Variants in THSD7B observed in about 807,000 individuals in gnomAD.
THSD7B encodes the protein thrombospondin type 1 domain containing 7B.
A neutral mutation model predicts 213.6 loss-of-function variants in THSD7B; 138 were observed. The ratio of observed to expected loss-of-function variants is 0.65; its 90% CI spans 0.56 to 0.74. The LOEUF (loss-of-function observed/expected upper bound fraction) is 0.74. Among genes scored for constraint, THSD7B ranks in the 30% least tolerant of loss-of-function variants. The pLI, the probability that THSD7B is intolerant of heterozygous loss-of-function variation, is 0.00. For synonymous variants in THSD7B, 742 were observed against 687.0 expected (o/e 1.08, Z -1.25); for missense variants, 1,931 against 1,991.5 (o/e 0.97, Z 0.58).
At chr2:136,908,887 G>A (rs1684213217) in intron 2 of THSD7B, among the ~76,000 whole-genome samples, 1 of 151,992 alleles carries the variant, frequency 6.6e-6, no homozygotes, top group African/African-American at 2.4e-5. Flanking sequence ...AATTAAAAGT[G>A]GGCCTATCCT....
chr2:136,920,853 G>C (rs1276501577), intron 2 of THSD7B, among the ~76,000 whole-genome samples: 1 of 152,152 alleles, frequency 6.6e-6, no homozygotes, highest in East Asian at 1.9e-4. Flanking sequence ...TTATGCGTCA[G>C]TGCTGCCCTG....
intron 14 of THSD7B, among the ~76,000 whole-genome samples, chr2:137,420,204 A>G (rs1261928269): frequency 6.6e-6 from 1 of 152,096 alleles, no homozygotes; most frequent in Non-Finnish European, 1.5e-5. Flanking sequence ...CTGAAGCCTC[A>G]TATTTCATCC....
intron 2 of THSD7B, among the ~76,000 whole-genome samples, chr2:136,943,992 CT>C (rs1684880003): frequency 6.6e-6 from 1 of 152,176 alleles, no homozygotes; most frequent in African/African-American, 2.4e-5. Flanking sequence ...AATTTTAGAT[CT>C]TTCCTGCTTT....
At chr2:137,206,368 A>G (rs771586602) in intron 7 of THSD7B, among the ~76,000 whole-genome samples, 3 of 152,100 alleles carry the variant, frequency 2.0e-5, no homozygotes, top group African/African-American at 4.8e-5. Flanking sequence ...ATGATTAATG[A>G]GGAAGAAAGA....
At chr2:136,961,169 G>T (rs1685211484) in intron 2 of THSD7B, among the ~76,000 whole-genome samples, 1 of 147,320 alleles carries the variant, frequency 6.8e-6, no homozygotes, top group Non-Finnish European at 1.5e-5. Flanking sequence ...GAAGATTTCT[G>T]TTTCTGATTC....
Position 137,662,233 on chromosome 2 carries a change from TTTTTTTTTC to T in THSD7B, c.4459-1141_4459-1133del, listed in dbSNP as rs1474456921. Among the ~76,000 whole-genome samples the T allele has an allele frequency of 6.1e-3, 719 of 117,902 alleles. 6 individuals are homozygous for T. The highest frequency in any genetic ancestry group is 0.022 in the African/African-American group (682 of 31,144). 77.3% of individuals were successfully genotyped at this position (117,902 alleles called of 152,430 possible). ...GCCCGCCACGACGCCCGGCTAATTT[TTTTTTTTTC>T]TTTTTTTTTTTTTTTGTATTTTTGG... On this transcript the variant is annotated intron_variant, in intron 25 of 27. Transcript: ENST00000409968.
chr2:136,959,385 A>T (rs1031479781), intron 2 of THSD7B, among the ~76,000 whole-genome samples: 3 of 152,192 alleles, frequency 2.0e-5, no homozygotes, highest in Admixed American at 2.0e-4. Flanking sequence ...AAAGTCAGTT[A>T]CTGAAACTGC....
At chr2:137,556,567 G>A (rs1047700975) in intron 15 of THSD7B, among the ~76,000 whole-genome samples, 11 of 152,062 alleles carry the variant, frequency 7.2e-5, no homozygotes, top group African/African-American at 1.4e-4. Flanking sequence ...AGGAACCAGC[G>A]GTACCAGCCA....
At chr2:137,104,092 C>A (rs1172880715) in intron 4 of THSD7B, among the ~76,000 whole-genome samples, 1 of 152,166 alleles carries the variant, frequency 6.6e-6, no homozygotes, top group East Asian at 1.9e-4. Context: ...CTTCTCAGCA[C>A]CACATCACAC....
intron 3 of THSD7B, among the ~76,000 whole-genome samples, chr2:137,062,008 G>A (rs1190668479): frequency 6.6e-6 from 1 of 151,688 alleles, no homozygotes; most frequent in Non-Finnish European, 1.5e-5. Context: ...CTAAATACTG[G>A]TTTAATTTCT....
chr2:136,892,954 T>G (rs1188712109), intron 2 of THSD7B, among the ~76,000 whole-genome samples: 2 of 152,210 alleles, frequency 1.3e-5, no homozygotes, highest in Non-Finnish European at 2.9e-5. Flanking sequence ...CATTGCTATA[T>G]CTTCTCGACC....
At chr2:137,215,915 T>C (rs1238244827) in intron 7 of THSD7B, among the ~76,000 whole-genome samples, 2 of 152,180 alleles carry the variant, frequency 1.3e-5, no homozygotes, top group Admixed American at 6.5e-5. Flanking sequence ...TAAATAAAGA[T>C]AGTGAAATTC....
Position 137,333,719 on chromosome 2 carries a change from C to T in THSD7B, c.2500+57693C>T, listed in dbSNP as rs114773168. ...TCTTCTGATGCCCCAGGCACTTTCTCTTCACTCCCTGCCCTTAGTTTTGTA... is the reference window on the plus strand; with the variant it reads ...TCTTCTGATGCCCCAGGCACTTTCTTTTCACTCCCTGCCCTTAGTTTTGTA... On this transcript the variant is annotated intron_variant, in intron 12 of 27. Coordinates refer to ENST00000409968, the MANE Select transcript of THSD7B (RefSeq NM_001316349.2). 3.0e-3 allele frequency among the ~76,000 whole-genome samples: 456 copies of T among 152,342 alleles called. 5 individuals carry two copies. The highest frequency in any genetic ancestry group is 0.011 in the African/African-American group (441 of 41,580).
chr2:137,252,763 G>A (rs1055967455), intron 10 of THSD7B, among the ~76,000 whole-genome samples: 1 of 152,156 alleles, frequency 6.6e-6, no homozygotes, highest in Non-Finnish European at 1.5e-5. Context: ...GGTGTTCCAC[G>A]GGGAGGTTGG....
At chr2:137,378,043 C>A (rs79955695) in intron 12 of THSD7B, among the ~76,000 whole-genome samples, 2 of 152,212 alleles carry the variant, frequency 1.3e-5, no homozygotes, top group African/African-American at 4.8e-5. Flanking sequence ...AGCAGTCATT[C>A]CCCATTGAAT....
At chr2:137,380,655 T>A (rs187561843) in intron 12 of THSD7B, among the ~76,000 whole-genome samples, 1 of 152,270 alleles carries the variant, frequency 6.6e-6, no homozygotes, top group East Asian at 1.9e-4. Flanking sequence ...GATAACAGAT[T>A]CTTTCCTAGA....
At chr2:136,912,335 A>T (rs1652449) in intron 2 of THSD7B, among the ~76,000 whole-genome samples, 49,145 of 135,144 alleles carry the variant, frequency 0.36, 10,362 homozygotes, top group Non-Finnish European at 0.5. Flanking sequence ...AAAAAAAAAA[A>T]AAAAAAAAAA....
chr2:137,633,231 T>C (rs1351840443), intron 20 of THSD7B, among the ~76,000 whole-genome samples: 1 of 152,190 alleles, frequency 6.6e-6, no homozygotes, highest in Non-Finnish European at 1.5e-5. Flanking sequence ...CACTTTTTAG[T>C]AGATGTCCAG....
chr2:137,089,264 G>GTA (rs1687901391), intron 3 of THSD7B, among the ~76,000 whole-genome samples: 1 of 112,658 alleles, frequency 8.9e-6, no homozygotes, highest in Admixed American at 8.5e-5. Flanking sequence ...GTGTGTGTGT[G>GTA]TGTGTGTGTG....
Sources: allele counts gnomAD v4.1 joint callset (sites outside exome capture counted in the v4.1 genomes callset), GRCh38; gene constraint gnomAD v4.1.1; transcripts MANE v1.5; gene names NCBI Gene and HGNC (gene_info 2026-07-23, HGNC 2026-07-21).